Variants in CDKAL1 observed in about 807,000 individuals in gnomAD.
CDKAL1 encodes the protein threonylcarbamoyladenosine tRNA methylthiotransferase.
A neutral mutation model predicts 68.2 loss-of-function variants in CDKAL1; 32 were observed. The ratio of observed to expected loss-of-function variants is 0.47; its 90% confidence interval spans 0.35 to 0.63. The LOEUF (loss-of-function observed/expected upper bound fraction) is 0.63, where lower values mean the gene tolerates loss of function less well. Among genes scored for constraint, CDKAL1 ranks in the 30% least tolerant of loss-of-function variants. The pLI, the probability that CDKAL1 is intolerant of heterozygous loss-of-function variation, is 0.00. For synonymous variants in CDKAL1, 234 were observed against 244.3 expected, an observed-to-expected ratio of 0.96 and a Z score of 0.39; for missense variants, 606 against 696.7, an observed-to-expected ratio of 0.87 and a Z score of 1.47.
chr6:21,066,117 T>C (rs1771425731), intron 12 of CDKAL1, among the ~76,000 whole-genome samples: 1 of 152,156 alleles, frequency 6.6e-6, no homozygotes, highest in African/African-American at 2.4e-5. Context: ...TTTTCTGTTA[T>C]AGCGTAAGTG....
At chr6:21,083,670 G>C (rs1235226170) in intron 12 of CDKAL1, among the ~76,000 whole-genome samples, 3 of 152,162 alleles carry the variant, frequency 2.0e-5, no homozygotes, top group Non-Finnish European at 4.4e-5. Flanking sequence ...CCGACAATAT[G>C]TATAGCAATT....
chr6:21,195,019 G>A (rs1325501662), intron 13 of CDKAL1, among the ~76,000 whole-genome samples: 3 of 152,112 alleles, frequency 2.0e-5, no homozygotes, highest in African/African-American at 4.8e-5. Flanking sequence ...AAAGCTTACT[G>A]CAGCCTCCAA....
At chr6:21,214,654 C>T (rs998529359) in intron 15 of CDKAL1, among the ~76,000 whole-genome samples, 2 of 152,140 alleles carry the variant, frequency 1.3e-5, no homozygotes, top group African/African-American at 2.4e-5. Flanking sequence ...CCCAAGCCCT[C>T]ACCATCCAAC....
intron 10 of CDKAL1, among the ~76,000 whole-genome samples, chr6:20,984,429 C>T (rs2150781043): frequency 6.6e-6 from 1 of 152,232 alleles, no homozygotes; most frequent in African/African-American, 2.4e-5. Context: ...GCCCGAGACC[C>T]CTGAAGCCCC....
chr6:20,990,040 C>T (rs1766708587), intron 10 of CDKAL1, among the ~76,000 whole-genome samples: 1 of 151,990 alleles, frequency 6.6e-6, no homozygotes, highest in Admixed American at 6.6e-5. Flanking sequence ...GTCAGAAATT[C>T]GAGACCAGCC....
intron 13 of CDKAL1, among the ~76,000 whole-genome samples, chr6:21,131,081 C>T (rs9295494): frequency 0.61 from 92,695 of 152,032 alleles, 28,377 homozygotes; most frequent in South Asian, 0.67. Flanking sequence ...AACAGTAGAT[C>T]CAGTGTAAAT....
intron 8 of CDKAL1, among the ~76,000 whole-genome samples, chr6:20,829,997 A>G (rs759904698): frequency 6.6e-6 from 1 of 152,202 alleles, no homozygotes; most frequent in Non-Finnish European, 1.5e-5. Flanking sequence ...GCTGGATTAC[A>G]GGCATGTGCC....
chr6:20,910,193 C>T (rs1163713973), intron 9 of CDKAL1, among the ~76,000 whole-genome samples: 2 of 152,138 alleles, frequency 1.3e-5, no homozygotes, highest in East Asian at 3.9e-4. Context: ...CATAGCTTTC[C>T]AGACATCTTC....
chr6:20,744,765 T>C (rs1343531154), intron 6 of CDKAL1, among the ~76,000 whole-genome samples: 1 of 152,222 alleles, frequency 6.6e-6, no homozygotes, highest in Non-Finnish European at 1.5e-5. Flanking sequence ...AGGAACAACA[T>C]TTATTAGGAA....
At chr6:20,680,225 C>G (rs796852442) in intron 5 of CDKAL1, among the ~76,000 whole-genome samples, 82 of 152,162 alleles carry the variant, frequency 5.4e-4, no homozygotes, top group African/African-American at 2.0e-3. Flanking sequence ...CACCACCATG[C>G]CTGGCTAATT....
chr6:21,115,858 TG>T (rs1774379014), intron 13 of CDKAL1, among the ~76,000 whole-genome samples: 1 of 152,228 alleles, frequency 6.6e-6, no homozygotes, highest in South Asian at 2.1e-4. Flanking sequence ...GTGCAAAATC[TG>T]TGCTTTTGTT....
chr6:21,073,597 A>C (rs144588226), intron 12 of CDKAL1, among the ~76,000 whole-genome samples: 23 of 152,316 alleles, frequency 1.5e-4, no homozygotes, highest in African/African-American at 5.5e-4. Context: ...CACTAATGAC[A>C]TATGGTGTTG....
chr6:21,013,774 A>G (rs1484998994), intron 11 of CDKAL1, among the ~76,000 whole-genome samples: 1 of 152,206 alleles, frequency 6.6e-6, no homozygotes, highest in Non-Finnish European at 1.5e-5. Context: ...CGAGTATCAC[A>G]CTTTTAGATT....
intron 6 of CDKAL1, among the ~76,000 whole-genome samples, chr6:20,752,796 T>C (rs531488900): frequency 6.6e-6 from 1 of 152,318 alleles, no homozygotes; most frequent in South Asian, 2.1e-4. Flanking sequence ...TATTATAAAC[T>C]AGTGTATTAG....
intron 10 of CDKAL1, among the ~76,000 whole-genome samples, chr6:20,963,294 G>C (rs1018048773): frequency 6.6e-6 from 1 of 150,566 alleles, no homozygotes; most frequent in African/African-American, 2.5e-5. Flanking sequence ...GGAAGCTTTA[G>C]TTAGGCCCTT....
chr6:21,171,705 C>A (rs1777396404), intron 13 of CDKAL1, among the ~76,000 whole-genome samples: 1 of 152,078 alleles, frequency 6.6e-6, no homozygotes, highest in South Asian at 2.1e-4. Flanking sequence ...ATACCTCATA[C>A]TATAGATGTA....
At chr6:21,128,163 C>T (rs1775114793) in intron 13 of CDKAL1, among the ~76,000 whole-genome samples, 1 of 152,164 alleles carries the variant, frequency 6.6e-6, no homozygotes, top group African/African-American at 2.4e-5. Flanking sequence ...TATGACCATC[C>T]TGTTTTTACT....
intron 11 of CDKAL1, among the ~76,000 whole-genome samples, chr6:21,033,709 C>G (rs753680999): frequency 1.3e-5 from 2 of 152,318 alleles, no homozygotes; most frequent in Non-Finnish European, 2.9e-5. Flanking sequence ...TGTCCCAGTA[C>G]TCGCTTCACT....
intron 6 of CDKAL1, among the ~76,000 whole-genome samples, chr6:20,754,082 C>T (rs555421048): frequency 1.2e-4 from 19 of 152,128 alleles, no homozygotes; most frequent in Non-Finnish European, 2.5e-4. Flanking sequence ...TGGGCTCAAG[C>T]GGTCTTTCCC....
Sources: gnomAD v4.1 joint callset for allele counts (sites outside exome capture counted in the v4.1 genomes callset) on GRCh38, gnomAD v4.1.1 for gene constraint, MANE v1.5 for transcripts, NCBI Gene and HGNC (gene_info 2026-07-23, HGNC 2026-07-21) for gene names.